The following DIAPH1 variants were observed in gnomAD, a reference collection of about 807,000 sequenced individuals.
DIAPH1 encodes protein diaphanous homolog 1.
In DIAPH1, 46 loss-of-function variants were observed where a neutral mutation model predicts 140.7. That is an observed-to-expected ratio of 0.33 (90% CI 0.26 to 0.42). DIAPH1 has a LOEUF of 0.42. DIAPH1 is among the 10% of genes least tolerant of loss of function. DIAPH1 has a pLI of 1.00. For synonymous variants in DIAPH1, 565 were observed against 551.6 expected, an observed-to-expected ratio of 1.02 and a Z score of -0.34; for missense variants, 1,310 against 1,558.7, an observed-to-expected ratio of 0.84 and a Z score of 2.69.
chr5:141,516,707 A>T lies in DIAPH1; in HGVS notation c.*144T>A. The T allele has an allele frequency of 1.1e-6, 1 of 880,794 alleles. No homozygotes were observed. Among genetic ancestry groups the T allele is most frequent in the South Asian group, 1.5e-5 (1 of 68,778 alleles). 54.6% of individuals were successfully genotyped at this position (880,794 alleles called of 1,614,324 possible). A position where few individuals can be genotyped will look rare whatever the true frequency, so the allele number is the denominator to read the frequency against. On this transcript the variant is annotated 3_prime_UTR_variant, in exon 28 of 28. Transcript: ENST00000389054. Reference sequence around the variant, plus strand: ...CTGAAGCTGTATGTGATGTTGAGAGAGCAGCAGGCCAGAGAGAAAGACAGG... The same window carrying T: ...CTGAAGCTGTATGTGATGTTGAGAGTGCAGCAGGCCAGAGAGAAAGACAGG...
Position 141,592,366 on chromosome 5 carries a change from T to C in DIAPH1, c.118-4116A>G, listed in dbSNP as rs539589739. On this transcript the variant is annotated intron_variant, in intron 1 of 27. Transcript: ENST00000389054. ...AGTGTATTGTTTACTTAGTTAATAC[T>C]ATGTGTGTTCTTACAGATTCTATGT... Among the ~76,000 whole-genome samples, 3 of 152,326 alleles carry C rather than the reference T, an allele frequency of 2.0e-5. No individual in the cohort carries two copies. The South Asian group carries it at 6.2e-4, about 32-fold the overall frequency.
At chr5:141,521,666 G>A (rs1212165243) in intron 27 of DIAPH1, among the ~76,000 whole-genome samples, 1 of 152,230 alleles carries the variant, frequency 6.6e-6, no homozygotes, top group Admixed American at 6.5e-5. Flanking sequence ...CTATGAGGCA[G>A]ATATGTTCCA....
At chr5:141,518,774 T>G (rs537799643) in intron 27 of DIAPH1, 6 of 678,290 alleles carry the variant, frequency 8.8e-6, no homozygotes, top group Non-Finnish European at 1.6e-5. Context: ...CCTCCCACCT[T>G]GGAACCTAAA....
At chr5:141,534,205 G>T in intron 19 of DIAPH1, 130 bp downstream of exon 19, 1 of 734,494 alleles carries the variant, frequency 1.4e-6, no homozygotes, top group Non-Finnish European at 2.4e-6. Context: ...AATTCACTGT[G>T]CAATGGTTGG....
At chr5:141,550,583 T>G (rs1329718044) in intron 18 of DIAPH1, 1 of 154,350 alleles carries the variant, frequency 6.5e-6, no homozygotes, top group East Asian at 1.9e-4. Flanking sequence ...CTAACCACAA[T>G]AAAAGCCCAA....
rs904193555 is a variant in DIAPH1 at position 141,547,269 on chromosome 5, T to C, written c.2483-12836A>G. 5.8e-4 allele frequency among the ~76,000 whole-genome samples: 88 copies of C among 152,258 alleles called. 1 individual carries two copies. Among genetic ancestry groups the C allele is most frequent in the African/African-American group, 1.6e-3 (66 of 41,558 alleles). ...TCATGAGGTCAGGAGATCAAGACCA[T>C]CCTGGTTAACACGGTGAAACCCCAT... is the stretch of plus-strand genomic sequence containing the variant. On this transcript the variant is annotated intron_variant, in intron 18 of 27. Coordinates refer to ENST00000389054, the MANE Select transcript of DIAPH1 (RefSeq NM_005219.5).
chr5:141,526,910 G>C (rs1209322733), intron 24 of DIAPH1, among the ~76,000 whole-genome samples: 1 of 152,118 alleles, frequency 6.6e-6, no homozygotes. Flanking sequence ...TGCTGACCAG[G>C]ATGGTCTCCA....
chr5:141,580,496 C>CT, intron 8 of DIAPH1, among the ~76,000 whole-genome samples: 6 of 151,556 alleles, frequency 4.0e-5, no homozygotes, highest in Non-Finnish European at 8.8e-5. Context: ...CTAGACAATA[C>CT]AGATATTAAT....
chr5:141,533,606 T>G (rs929289065), intron 19 of DIAPH1, among the ~76,000 whole-genome samples: 2 of 152,098 alleles, frequency 1.3e-5, no homozygotes, highest in Admixed American at 1.3e-4. Context: ...CAACATATTG[T>G]GAGGCTGAGG....
At chr5:141,582,809 C>T (rs1272281108) in intron 6 of DIAPH1, among the ~76,000 whole-genome samples, 1 of 152,108 alleles carries the variant, frequency 6.6e-6, no homozygotes, top group African/African-American at 2.4e-5. Flanking sequence ...TAAGAGAGTC[C>T]AAGGTATACC....
chr5:141,524,287 A>T, intron 26 of DIAPH1, 58 bp from the exon 27 acceptor site: 1 of 1,503,974 alleles, frequency 6.6e-7, no homozygotes, highest in Non-Finnish European at 9.3e-7. Context: ...CATGGCAAAT[A>T]TCAAGCCCCA....
intron 18 of DIAPH1, among the ~76,000 whole-genome samples, chr5:141,549,856 G>A (rs562549428): frequency 2.6e-5 from 4 of 151,900 alleles, no homozygotes; most frequent in Admixed American, 6.6e-5. Flanking sequence ...AAAATAAGAC[G>A]GTAGATTTAA....
intron 1 of DIAPH1, among the ~76,000 whole-genome samples, chr5:141,605,786 G>A (rs1474049532): frequency 6.6e-6 from 1 of 152,102 alleles, no homozygotes; most frequent in African/African-American, 2.4e-5. Flanking sequence ...TTTGAGGGCA[G>A]CCCAATGCCT....
chr5:141,615,046 A>G (rs893958431), intron 1 of DIAPH1, among the ~76,000 whole-genome samples: 5 of 152,186 alleles, frequency 3.3e-5, no homozygotes, highest in Non-Finnish European at 7.3e-5. Context: ...ATACTCTATT[A>G]CTTTGCATTT....
intron 27 of DIAPH1, chr5:141,518,518 A>G (rs2099886043): frequency 6.6e-6 from 1 of 150,954 alleles, no homozygotes; most frequent in African/African-American, 3.0e-5. Flanking sequence ...AAACAGGATC[A>G]GATAGCCCGT....
At chr5:141,560,934 G>C (rs1399477072) in intron 18 of DIAPH1, 1 of 455,152 alleles carries the variant, frequency 2.2e-6, no homozygotes, top group Non-Finnish European at 4.4e-6. Context: ...GGTGGGGAAA[G>C]ATGAGGGGGG....
At chr5:141,527,136 T>C (rs1239100042) in intron 24 of DIAPH1, among the ~76,000 whole-genome samples, 1 of 151,034 alleles carries the variant, frequency 6.6e-6, no homozygotes, top group Non-Finnish European at 1.5e-5. Context: ...GGCAGGGGAG[T>C]TGGTGGGACT....
rs760317260 is a variant in DIAPH1 at position 141,583,447 on chromosome 5, T to C, written c.533+38A>G. 1.5e-5 allele frequency: 24 copies of C among 1,614,096 alleles called. No individual in the cohort carries two copies. In the East Asian group the frequency reaches 5.1e-4, roughly 34 times the overall value. The stretch of plus-strand genomic sequence containing the variant: ...CAATCACCACCAGTGAAGTCCAACA[T>C]TTGGCTCCTACTCCTGTTACCTCCT... On this transcript the variant is annotated intron_variant, in intron 5 of 27. Coordinates refer to ENST00000389054, the MANE Select transcript of DIAPH1 (RefSeq NM_005219.5).
At chr5:141,527,452 GA>G (rs903008683) in intron 24 of DIAPH1, 120 bp downstream of exon 24, 4 of 1,109,020 alleles carry the variant, frequency 3.6e-6, no homozygotes, top group African/African-American at 1.6e-5. Flanking sequence ...TGTATTTAAA[GA>G]AAAAGAGTTT....
Sources: allele counts gnomAD v4.1 joint callset (sites outside exome capture counted in the v4.1 genomes callset), GRCh38; gene constraint gnomAD v4.1.1; transcripts MANE v1.5; gene names NCBI Gene and HGNC (gene_info 2026-07-23, HGNC 2026-07-21).